CRTAM: variants seen among roughly 807,000 people sequenced by gnomAD.
CRTAM encodes the protein cytotoxic and regulatory T-cell molecule.
CRTAM carries 44 observed loss-of-function variants against 50.0 expected under a neutral mutation model. The observed-to-expected ratio is 0.88, with a 90% CI of 0.69 to 1.13. The LOEUF (loss-of-function observed/expected upper bound fraction) is 1.13. CRTAM is among the 50% of genes most tolerant of loss of function. The pLI, the probability that CRTAM is intolerant of heterozygous loss-of-function variation, is 0.00. For synonymous variants in CRTAM, 159 were observed against 169.3 expected (o/e 0.94, Z 0.47); for missense variants, 448 against 457.5 (o/e 0.98, Z 0.19).
chr11:122,839,784 C>A (rs962630026), intron 1 of CRTAM, among the ~76,000 whole-genome samples: 1 of 152,170 alleles, frequency 6.6e-6, no homozygotes, highest in Non-Finnish European at 1.5e-5. Context: ...TGCACCTATC[C>A]TTCTAAATCT....
intron 6 of CRTAM, among the ~76,000 whole-genome samples, chr11:122,864,409 A>G (rs1419736620): frequency 1.3e-5 from 2 of 152,236 alleles, no homozygotes; most frequent in East Asian, 1.9e-4. Flanking sequence ...GTTCAAGGCC[A>G]GGCACAGAGT....
chr11:122,863,248 AGAG>A (rs1253285794), intron 6 of CRTAM, among the ~76,000 whole-genome samples: 10 of 143,114 alleles, frequency 7.0e-5, no homozygotes, highest in Non-Finnish European at 1.4e-4. Flanking sequence ...AAAGAAAGAA[AGAG>A]AGAAAGAAAA....
At chr11:122,847,408 A>C (rs1456223560) in intron 1 of CRTAM, among the ~76,000 whole-genome samples, 4 of 152,226 alleles carry the variant, frequency 2.6e-5, no homozygotes, top group Non-Finnish European at 5.9e-5. Flanking sequence ...AGAAAGCTTG[A>C]ACCCTCACTC....
chr11:122,842,140 A>G (rs555371722), intron 1 of CRTAM, among the ~76,000 whole-genome samples: 1 of 152,344 alleles, frequency 6.6e-6, no homozygotes, highest in Non-Finnish European at 1.5e-5. Context: ...AAGGAGTATC[A>G]CGACATGGCA....
chr11:122,849,989 T>C (rs1861909438), intron 1 of CRTAM, 79 bp from the exon 2 acceptor site: 1 of 1,369,424 alleles, frequency 7.3e-7, no homozygotes, highest in Admixed American at 2.3e-5. Context: ...TAATACATGA[T>C]TGAATGAATG....
intron 7 of CRTAM, among the ~76,000 whole-genome samples, 174 bp downstream of exon 7, chr11:122,864,893 A>G (rs1197360114): frequency 3.9e-5 from 6 of 152,098 alleles, no homozygotes; most frequent in Non-Finnish European, 7.4e-5. Flanking sequence ...GCTTCTTGAC[A>G]TACTTTTCCT....
intron 2 of CRTAM, 132 bp downstream of exon 2, chr11:122,850,346 A>G: frequency 2.5e-6 from 2 of 811,704 alleles, no homozygotes; most frequent in Admixed American, 2.7e-5. Flanking sequence ...ACTGTTACAC[A>G]TGAATCACGC....
chr11:122,857,007 T>C (rs1862015766), intron 5 of CRTAM, among the ~76,000 whole-genome samples: 1 of 149,586 alleles, frequency 6.7e-6, no homozygotes, highest in Non-Finnish European at 1.5e-5. Context: ...CCTAAAGACA[T>C]TCAGGTTCTT....
chr11:122,846,644 C>G (rs147744599), intron 1 of CRTAM, among the ~76,000 whole-genome samples: 4 of 152,112 alleles, frequency 2.6e-5, no homozygotes, highest in East Asian at 1.9e-4. Context: ...CTGTCTGTCT[C>G]TCTCTGTCTT....
chr11:122,861,412 ATATATATATTTTTTTTT>A (rs1290672251), intron 5 of CRTAM, among the ~76,000 whole-genome samples: 2 of 24,246 alleles, frequency 8.2e-5, no homozygotes, highest in African/African-American at 1.6e-4. Flanking sequence ...ATATATATAT[ATATATATATTTTTTTTT>A]TTTTTTTTTT....
At chr11:122,863,369 A>AAAAG (rs1278107637) in intron 6 of CRTAM, among the ~76,000 whole-genome samples, 8 of 149,300 alleles carry the variant, frequency 5.4e-5, no homozygotes, top group African/African-American at 1.7e-4. Context: ...GAAAGAAAGA[A>AAAAG]AAAGAAAGAA....
chr11:122,863,321 A>AAAAGAAAGAAAGAAAGAAAGAAAG (rs137934573), intron 6 of CRTAM, among the ~76,000 whole-genome samples: 63 of 103,648 alleles, frequency 6.1e-4, no homozygotes, highest in African/African-American at 2.0e-3. Context: ...GAAAGAAAGA[A>AAAAGAAAGAAAGAAAGAAAGAAAG]AAAGAAAGAA....
intron 2 of CRTAM, 39 bp downstream of exon 2, chr11:122,850,253 T>A (rs766862381): frequency 1.9e-5 from 30 of 1,548,786 alleles, no homozygotes; most frequent in Non-Finnish European, 2.5e-5. Flanking sequence ...CACCAGACCT[T>A]AACCTGAGGG....
intron 5 of CRTAM, 149 bp downstream of exon 5, chr11:122,856,005 A>C (rs1048430915): frequency 3.2e-6 from 2 of 629,544 alleles, no homozygotes; most frequent in African/African-American, 3.7e-5. Flanking sequence ...TACTGATTGA[A>C]ATTTCTCCAG....
At chr11:122,840,963 G>T (rs1861790303) in intron 1 of CRTAM, among the ~76,000 whole-genome samples, 1 of 152,134 alleles carries the variant, frequency 6.6e-6, no homozygotes, top group African/African-American at 2.4e-5. Flanking sequence ...CAAATCCAAT[G>T]AATTTTGAAC....
intron 9 of CRTAM, among the ~76,000 whole-genome samples, chr11:122,870,946 G>C (rs993462661): frequency 6.6e-6 from 1 of 152,050 alleles, no homozygotes; most frequent in African/African-American, 2.4e-5. Flanking sequence ...GGGCATGGTA[G>C]TGTGTGCCTG....
intron 4 of CRTAM, among the ~76,000 whole-genome samples, chr11:122,855,313 T>C (rs1254410123): frequency 6.6e-6 from 1 of 152,220 alleles, no homozygotes; most frequent in East Asian, 1.9e-4. Flanking sequence ...AATGGAGTTC[T>C]AGAGAGAAAA....
At chr11:122,858,457 C>T (rs1428246005) in intron 5 of CRTAM, among the ~76,000 whole-genome samples, 1 of 152,112 alleles carries the variant, frequency 6.6e-6, no homozygotes, top group Non-Finnish European at 1.5e-5. Context: ...AATTCCTGAG[C>T]TCAAGCGATC....
In CRTAM at chr11:122,854,100, T is replaced by C. The variant is rs369081337; in HGVS notation, c.490+14T>C. ...TGGAAGTGTCCGGTAAGGGGAGAAA[T>C]GGTTCTCTTTGTCTTCCTTCCTACT... On this transcript the variant is annotated intron_variant, in intron 4 of 9. Coordinates refer to ENST00000227348, the MANE Select transcript of CRTAM (RefSeq NM_019604.4). The C allele has an allele frequency of 1.2e-4, 198 of 1,605,848 alleles. No homozygotes were observed. The highest frequency in any genetic ancestry group is 2.4e-4 in the Admixed American group (14 of 58,266).
Sources: gnomAD v4.1 joint callset for allele counts (sites outside exome capture counted in the v4.1 genomes callset) on GRCh38, gnomAD v4.1.1 for gene constraint, MANE v1.5 for transcripts, NCBI Gene and HGNC (gene_info 2026-07-23, HGNC 2026-07-21) for gene names.